The following PLCB4 variants were observed in gnomAD, a reference collection of about 807,000 sequenced individuals.
PLCB4 encodes the protein phospholipase C beta 4.
In PLCB4, 77 loss-of-function variants were observed where a neutral mutation model predicts 178.8. The ratio of observed to expected loss-of-function variants is 0.43; its 90% CI spans 0.36 to 0.52. PLCB4 has a LOEUF of 0.52. Ranked by LOEUF, PLCB4 falls within the 20% of genes least tolerant of loss-of-function variation. The pLI, the probability that PLCB4 is intolerant of heterozygous loss-of-function variation, is 0.00. For synonymous variants in PLCB4, 496 were observed against 490.8 expected (o/e 1.01, Z -0.14); for missense variants, 1,024 against 1,453.4 (o/e 0.70, Z 4.80).
chr20:9,190,707 G>A (rs1472007732), intron 2 of PLCB4, among the ~76,000 whole-genome samples: 3 of 152,190 alleles, frequency 2.0e-5, no homozygotes, highest in South Asian at 2.1e-4. Context: ...CAGGGAGGAT[G>A]CAGGCAAGGA....
chr20:9,472,360 A>G (rs974782510), intron 36 of PLCB4, among the ~76,000 whole-genome samples: 1 of 152,228 alleles, frequency 6.6e-6, no homozygotes, highest in Non-Finnish European at 1.5e-5. Context: ...TATGCACAGG[A>G]AAGTTTGAGA....
rs1163643777 is a variant in PLCB4, at chr20:9,069,173, G to T, written c.-168G>T. 1 of 153,286 alleles carries T rather than the reference G, an allele frequency of 6.5e-6. No individual in the cohort carries two copies. Among genetic ancestry groups the T allele is most frequent in the African/African-American group, 2.4e-5 (1 of 41,572 alleles). The allele number at this position is 153,286 out of a possible 1,614,324, so 9.5% of individuals were successfully genotyped here. A position where few individuals can be genotyped will look rare whatever the true frequency, so the allele number is the denominator to read the frequency against. ...GGGTCTCCAGGCAGCGGCCGTCGCCGCATCCCCGGCAGCAGCTCCAGGCAA... is the reference window on the plus strand; with the variant it reads ...GGGTCTCCAGGCAGCGGCCGTCGCCTCATCCCCGGCAGCAGCTCCAGGCAA... On this transcript the variant is annotated 5_prime_UTR_variant, in exon 1 of 40. Transcript: ENST00000378473.
chr20:9,326,488 T>C (rs534880405), intron 4 of PLCB4, among the ~76,000 whole-genome samples: 84 of 152,280 alleles, frequency 5.5e-4, no homozygotes, highest in African/African-American at 1.9e-3. Flanking sequence ...TTTGTTCCTA[T>C]TGGTTTTGAA....
chr20:9,369,014 C>T (rs1048833350), intron 9 of PLCB4, among the ~76,000 whole-genome samples: 2 of 152,150 alleles, frequency 1.3e-5, no homozygotes, highest in East Asian at 1.9e-4. Flanking sequence ...AACACAGCCA[C>T]GATATTATCT....
intron 3 of PLCB4, among the ~76,000 whole-genome samples, chr20:9,217,699 T>TCG (rs1815776852): frequency 6.6e-6 from 1 of 152,264 alleles, no homozygotes; most frequent in South Asian, 2.1e-4. Flanking sequence ...CTACTTGCTC[T>TCG]CTGCAATAGT....
At chr20:9,445,499 T>G (rs983724772) in intron 32 of PLCB4, among the ~76,000 whole-genome samples, 5 of 152,232 alleles carry the variant, frequency 3.3e-5, no homozygotes, top group African/African-American at 1.2e-4. Flanking sequence ...TTTAAGAGTT[T>G]GTGCTAACAC....
intron 2 of PLCB4, among the ~76,000 whole-genome samples, chr20:9,158,550 T>C (rs1383089528): frequency 6.6e-6 from 1 of 151,378 alleles, no homozygotes; most frequent in Non-Finnish European, 1.5e-5. Flanking sequence ...ATTACAGGCG[T>C]GAGCCACTGC....
intron 7 of PLCB4, among the ~76,000 whole-genome samples, chr20:9,342,144 T>A (rs1055279931): frequency 2.0e-5 from 3 of 152,180 alleles, no homozygotes; most frequent in Non-Finnish European, 4.4e-5. Context: ...ACCTTCAGCA[T>A]TGACAACATT....
chr20:9,185,988 T>A (rs1206721662), intron 2 of PLCB4, among the ~76,000 whole-genome samples: 1 of 152,250 alleles, frequency 6.6e-6, no homozygotes, highest in African/African-American at 2.4e-5. Context: ...TTATTTATCA[T>A]GTTTAGCGTT....
At chr20:9,149,098 G>A (rs1331430876) in intron 2 of PLCB4, among the ~76,000 whole-genome samples, 1 of 152,144 alleles carries the variant, frequency 6.6e-6, no homozygotes, top group East Asian at 1.9e-4. Context: ...AAACTGGAGG[G>A]CCAGAAGAGA....
At chr20:9,191,345 ATTTTTTTTTTTTTTTT>A (rs71184136) in intron 2 of PLCB4, among the ~76,000 whole-genome samples, 2 of 58,842 alleles carry the variant, frequency 3.4e-5, no homozygotes, top group Admixed American at 2.6e-4. Flanking sequence ...CTAGATAGGC[ATTTTTTTTTTTTTTTT>A]TTTTTTTTTT....
intron 30 of PLCB4, among the ~76,000 whole-genome samples, chr20:9,439,765 G>C (rs1277117293): frequency 6.6e-6 from 1 of 152,222 alleles, no homozygotes; most frequent in Non-Finnish European, 1.5e-5. Flanking sequence ...ACAAAGTACA[G>C]CTTAGGGAGT....
At chr20:9,294,533 A>G (rs1270625254) in intron 3 of PLCB4, among the ~76,000 whole-genome samples, 1 of 152,152 alleles carries the variant, frequency 6.6e-6, no homozygotes, top group Non-Finnish European at 1.5e-5. Flanking sequence ...CGTGCATTCT[A>G]GACAAATGGA....
intron 2 of PLCB4, among the ~76,000 whole-genome samples, chr20:9,156,538 G>A (rs1237729585): frequency 1.3e-5 from 2 of 152,116 alleles, no homozygotes; most frequent in Admixed American, 6.6e-5. Context: ...TGTGAGTACT[G>A]TACATGGAAA....
chr20:9,083,397 C>T (rs576544846), intron 1 of PLCB4, among the ~76,000 whole-genome samples: 3 of 151,788 alleles, frequency 2.0e-5, no homozygotes, highest in South Asian at 2.1e-4. Context: ...ACACACACAC[C>T]GCAGGTGCTT....
chr20:9,307,421 G>A (rs1568559460), intron 3 of PLCB4, among the ~76,000 whole-genome samples: 3 of 151,562 alleles, frequency 2.0e-5, no homozygotes, highest in South Asian at 4.2e-4. Flanking sequence ...TTTACAGCAG[G>A]CCTCTCTTAT....
chr20:9,221,004 G>C (rs1188646812), intron 3 of PLCB4, among the ~76,000 whole-genome samples: 1 of 152,134 alleles, frequency 6.6e-6, no homozygotes. Flanking sequence ...GCACATTCAT[G>C]CATGCCAAGA....
chr20:9,321,957 T>TC (rs2094963838), intron 4 of PLCB4, among the ~76,000 whole-genome samples: 1 of 104,244 alleles, frequency 9.6e-6, no homozygotes, highest in Non-Finnish European at 1.7e-5. Context: ...TTTTTCTTTT[T>TC]TTTTTTTTGA....
intron 23 of PLCB4, 65 bp downstream of exon 23, chr20:9,408,782 T>C (rs566658333): frequency 1.6e-5 from 13 of 827,816 alleles, no homozygotes; most frequent in Non-Finnish European, 2.5e-5. Flanking sequence ...GCCTCTGAAA[T>C]AGATAAATGG....
Sources: gnomAD v4.1 joint callset for allele counts (sites outside exome capture counted in the v4.1 genomes callset) on GRCh38, gnomAD v4.1.1 for gene constraint, MANE v1.5 for transcripts, NCBI Gene and HGNC (gene_info 2026-07-23, HGNC 2026-07-21) for gene names.